The following ANKDD1B variants were observed in gnomAD, a reference collection of about 807,000 sequenced individuals.
ANKDD1B encodes the protein ankyrin repeat and death domain containing 1B.
A neutral mutation model predicts 59.7 loss-of-function variants in ANKDD1B; 57 were observed. That is an observed-to-expected ratio of 0.95 (90% confidence interval 0.77 to 1.19). The LOEUF (loss-of-function observed/expected upper bound fraction) is 1.19, where lower values mean the gene tolerates loss of function less well. Ranked by LOEUF, ANKDD1B falls within the 50% of genes most tolerant of loss-of-function variation. ANKDD1B has a pLI of 0.00. For missense variants in ANKDD1B, 602 were observed against 641.9 expected (o/e 0.94, Z 0.67); for synonymous variants, 216 against 239.5 (o/e 0.90, Z 0.91).
At chr5:75,650,214 A>G (rs1315585304) in intron 7 of ANKDD1B, among the ~76,000 whole-genome samples, 1 of 152,226 alleles carries the variant, frequency 6.6e-6, no homozygotes, top group Non-Finnish European at 1.5e-5. Context: ...AAGGTTGCTA[A>G]TTGGCTGATC....
chr5:75,669,164 T>C (rs1468969983), intron 12 of ANKDD1B, 88 bp from the exon 13 acceptor site: 2 of 1,193,762 alleles, frequency 1.7e-6, no homozygotes, highest in East Asian at 6.4e-5. Flanking sequence ...CAAACAGTCA[T>C]TCAGAAAGTT....
chr5:75,668,752 A>G (rs1449727042), intron 12 of ANKDD1B, among the ~76,000 whole-genome samples: 1 of 152,214 alleles, frequency 6.6e-6, no homozygotes, highest in Non-Finnish European at 1.5e-5. Context: ...AACTTCCCTC[A>G]GAGTAGCTTC....
chr5:75,624,717 G>C (rs1036807179), intron 3 of ANKDD1B, among the ~76,000 whole-genome samples: 4 of 151,940 alleles, frequency 2.6e-5, no homozygotes, highest in African/African-American at 9.7e-5. Context: ...GTTTATTTCT[G>C]TACTTTTCTC....
chr5:75,656,165 C>T, intron 9 of ANKDD1B, 38 bp downstream of exon 9: 1 of 1,038,450 alleles, frequency 9.6e-7, no homozygotes, highest in Non-Finnish European at 1.4e-6. Context: ...GGTCTCTTTT[C>T]TTAGTTTCAA....
Position 75,671,749 on chromosome 5 carries a change from C to G in ANKDD1B, c.*709C>G, listed in dbSNP as rs1257481711. 1.4e-5 allele frequency: 2 copies of G among 141,708 alleles called. No individual in the cohort carries two copies. The highest frequency in any genetic ancestry group is 5.2e-5 in the African/African-American group (2 of 38,376). 8.8% of individuals were successfully genotyped at this position (141,708 alleles called of 1,614,324 possible). A position where few individuals can be genotyped will look rare whatever the true frequency, so the allele number is the denominator to read the frequency against. On this transcript the variant is annotated 3_prime_UTR_variant, in exon 14 of 14. Transcript: ENST00000601380. ...TGATGTAATTACAGATGATTATTTT[C>G]TTTGTACTTTTGGGTACATTCCATT... is the stretch of plus-strand genomic sequence containing the variant.
intron 3 of ANKDD1B, among the ~76,000 whole-genome samples, chr5:75,624,415 C>A (rs186583800): frequency 9.3e-4 from 142 of 152,258 alleles, no homozygotes; most frequent in Non-Finnish European, 1.9e-3. Context: ...CCTAAAATAA[C>A]CAGTGTTAAC....
At position 75,628,952 on chromosome 5, in the gene ANKDD1B, G is replaced by A. The variant is rs139992889; in HGVS notation, c.600+2997G>A. Among the ~76,000 whole-genome samples the A allele has an allele frequency of 4.2e-3, 632 of 152,252 alleles. 2 individuals are homozygous for A. Among genetic ancestry groups the A allele is most frequent in the Non-Finnish European group, 5.7e-3 (391 of 68,014 alleles). On this transcript the variant is annotated intron_variant, in intron 5 of 13. Coordinates refer to ENST00000601380, the MANE Select transcript of ANKDD1B (RefSeq NM_001276713.2). ...GGAGAGAAATAGAAAGGCCTCACAC[G>A]CCATTCATATATTTGTTGAATATTT...
intron 7 of ANKDD1B, among the ~76,000 whole-genome samples, chr5:75,649,631 C>T (rs1476102769): frequency 1.3e-5 from 2 of 152,136 alleles, no homozygotes; most frequent in Admixed American, 6.5e-5. Context: ...CTTTAGGTGG[C>T]TTCTGATCTT....
chr5:75,640,730 A>G (rs1028486281), intron 7 of ANKDD1B, among the ~76,000 whole-genome samples: 8 of 152,228 alleles, frequency 5.3e-5, no homozygotes, highest in Non-Finnish European at 7.3e-5. Flanking sequence ...ATGTTCACTC[A>G]TGCAGTGGGA....
At chr5:75,630,446 A>G (rs1774119435) in intron 5 of ANKDD1B, among the ~76,000 whole-genome samples, 1 of 152,224 alleles carries the variant, frequency 6.6e-6, no homozygotes, top group South Asian at 2.1e-4. Context: ...AGGGCTTCCA[A>G]AGTTCAAACT....
chr5:75,649,027 G>A (rs941989553), intron 7 of ANKDD1B, among the ~76,000 whole-genome samples: 1 of 152,218 alleles, frequency 6.6e-6, no homozygotes, highest in African/African-American at 2.4e-5. Context: ...TGTGTTGGGT[G>A]GAGGGGCTGC....
chr5:75,657,933 C>T (rs1775017966), intron 9 of ANKDD1B, among the ~76,000 whole-genome samples: 1 of 151,426 alleles, frequency 6.6e-6, no homozygotes, highest in African/African-American at 2.4e-5. Context: ...TTTTGGAAGC[C>T]AGGTGTTTTG....
intron 7 of ANKDD1B, among the ~76,000 whole-genome samples, chr5:75,641,332 G>A (rs544556672): frequency 2.0e-5 from 3 of 152,180 alleles, no homozygotes; most frequent in Admixed American, 6.5e-5. Flanking sequence ...TTTGTCTTCA[G>A]ATGGTTTAGT....
chr5:75,634,785 A>C, intron 5 of ANKDD1B, 113 bp from the exon 6 acceptor site: 1 of 654,672 alleles, frequency 1.5e-6, no homozygotes, highest in Non-Finnish European at 2.6e-6. Flanking sequence ...TCCTCCCTGA[A>C]GAAGGGCCAT....
rs1775481964 is a variant in ANKDD1B, at chr5:75,671,446, T to G, written c.*406T>G. 6.5e-6 allele frequency: 1 copy of G among 153,114 alleles called. No homozygotes were observed. Among genetic ancestry groups the G allele is most frequent in the African/African-American group, 2.4e-5 (1 of 41,514 alleles). The allele number at this position is 153,114 out of a possible 1,614,324, so 9.5% of individuals were successfully genotyped here. A position where few individuals can be genotyped will look rare whatever the true frequency, so the allele number is the denominator to read the frequency against. On this transcript the variant is annotated 3_prime_UTR_variant, in exon 14 of 14. Transcript: ENST00000601380. ...TATTAGATGTGAACCTTTGGGCATGTTAATGTTGTTTACGTTCTTAGATCT... is the reference window on the plus strand; with the variant it reads ...TATTAGATGTGAACCTTTGGGCATGGTAATGTTGTTTACGTTCTTAGATCT...
At chr5:75,635,754 G>T (rs1391080011) in intron 6 of ANKDD1B, 30 bp from the exon 7 acceptor site, 24 of 1,414,848 alleles carry the variant, frequency 1.7e-5, no homozygotes, top group East Asian at 1.3e-4. Context: ...TGGCACAGGG[G>T]TTTCTACGTC....
At chr5:75,650,485 C>T (rs572682778) in intron 7 of ANKDD1B, among the ~76,000 whole-genome samples, 108 of 152,176 alleles carry the variant, frequency 7.1e-4, no homozygotes, top group African/African-American at 2.5e-3. Flanking sequence ...TTTTTTTAGC[C>T]CAGTGGGATC....
intron 7 of ANKDD1B, among the ~76,000 whole-genome samples, chr5:75,642,077 AAAAT>A (rs374609964): frequency 1.4e-3 from 210 of 152,340 alleles, no homozygotes; most frequent in South Asian, 3.5e-3. Flanking sequence ...ACTAATTGAA[AAAAT>A]ATAGTATAGT....
chr5:75,653,204 T>C lies in ANKDD1B; in HGVS notation c.861T>C (p.Leu287=). The C allele has an allele frequency of 3.9e-6, 6 of 1,536,114 alleles. No homozygotes were observed. Among genetic ancestry groups the C allele is most frequent in the Non-Finnish European group, 5.2e-6 (6 of 1,146,876 alleles). The change falls in exon 8 of 14, where the codon CTT becomes CTC. Residue 287 remains leucine (L), a synonymous_variant. Transcript: ENST00000601380. The part of the protein sequence containing the change: ...RNGHASLVNF[L]LSENVDLHQK... ...GCCATGCATCCCTTGTCAACTTTCT[T>C]CTCAGTGAGAACGTTGATCTGCACC... is the stretch of plus-strand genomic sequence containing the variant.
Sources: allele counts gnomAD v4.1 joint callset (sites outside exome capture counted in the v4.1 genomes callset), GRCh38; gene constraint gnomAD v4.1.1; transcripts MANE v1.5; gene names NCBI Gene and HGNC (gene_info 2026-07-23, HGNC 2026-07-21).